The following RPS6KA2 variants were observed in gnomAD, a reference collection of about 807,000 sequenced individuals.
RPS6KA2 encodes the protein ribosomal protein S6 kinase alpha-2.
Under a neutral mutation model 91.8 loss-of-function variants are expected in RPS6KA2, and 42 were observed. The ratio of observed to expected loss-of-function variants is 0.46; its 90% CI spans 0.36 to 0.59. The LOEUF (loss-of-function observed/expected upper bound fraction) is 0.59, where lower values mean the gene tolerates loss of function less well. RPS6KA2 is among the 20% of genes least tolerant of loss of function. RPS6KA2 has a pLI of 0.00. For missense variants in RPS6KA2, 798 were observed against 978.5 expected (o/e 0.82, Z 2.46); for synonymous variants, 414 against 393.6 (o/e 1.05, Z -0.61).
rs1216426961 is a variant in RPS6KA2, at chr6:166,648,225, T to C, written c.124-109441A>G. 6.7e-6 allele frequency among the ~76,000 whole-genome samples: 1 copy of C among 149,096 alleles called. No homozygotes were observed. The highest frequency in any genetic ancestry group is 2.2e-4 in the South Asian group (1 of 4,610). ...ACACACTCATGCACACACACGCACATGCGCACACACACACATTCACACAGG... is the reference window on the plus strand; with the variant it reads ...ACACACTCATGCACACACACGCACACGCGCACACACACACATTCACACAGG... On this transcript the variant is annotated intron_variant, in intron 2 of 21. Coordinates refer to the RPS6KA2 transcript ENST00000503859. The surrounding 1 kb of genome is among the most constrained non-coding windows in gnomAD (Gnocchi z 4.8).
chr6:166,693,099 A>G (rs955562683), intron 2 of RPS6KA2, among the ~76,000 whole-genome samples: 6 of 152,338 alleles, frequency 3.9e-5, no homozygotes, highest in African/African-American at 1.4e-4. Flanking sequence ...TGCTTAATAT[A>G]GGGCTACTCT....
intron 1 of RPS6KA2, among the ~76,000 whole-genome samples, chr6:166,619,049 T>C (rs1243241250): frequency 2.0e-5 from 3 of 151,888 alleles, no homozygotes; most frequent in East Asian, 1.9e-4. Context: ...CTCCCATCGA[T>C]GCCATCAGAT....
intron 1 of RPS6KA2, among the ~76,000 whole-genome samples, chr6:166,552,615 C>G (rs1233646648): frequency 6.6e-6 from 1 of 152,208 alleles, no homozygotes; most frequent in Non-Finnish European, 1.5e-5. Context: ...TGTTCTGCAT[C>G]TGGACCACAC....
intron 2 of RPS6KA2, among the ~76,000 whole-genome samples, chr6:166,693,729 G>C (rs930067177): frequency 6.6e-6 from 1 of 152,188 alleles, no homozygotes; most frequent in African/African-American, 2.4e-5. Flanking sequence ...CTCTAGCCGT[G>C]TCCACTAGGT....
rs535685958 is a variant in RPS6KA2, at chr6:166,410,893, T to C, written c.*1869A>G. Reference sequence around the variant, plus strand: ...TTTTGTTCATTTCTGGGAGGACAGATTGTGTGACCTCAGGATTATCCACTT... The same window carrying C: ...TTTTGTTCATTTCTGGGAGGACAGACTGTGTGACCTCAGGATTATCCACTT... On this transcript the variant is annotated 3_prime_UTR_variant, in exon 21 of 21. Coordinates refer to ENST00000265678, the MANE Select transcript of RPS6KA2 (RefSeq NM_021135.6). 1 of 152,136 alleles carries C rather than the reference T, an allele frequency of 6.6e-6. No individual in the cohort carries two copies. Among genetic ancestry groups the C allele is most frequent in the Admixed American group, 6.5e-5 (1 of 15,272 alleles). The allele number at this position is 152,136 out of a possible 1,614,324, so 9.4% of individuals were successfully genotyped here.
chr6:166,517,309 T>C (rs1454695404), intron 3 of RPS6KA2, among the ~76,000 whole-genome samples: 1 of 152,070 alleles, frequency 6.6e-6, no homozygotes, highest in Non-Finnish European at 1.5e-5. Context: ...AGCCTAAGTG[T>C]TGGGAACAGG....
chr6:166,717,219 C>A (rs1790038368), intron 2 of RPS6KA2, among the ~76,000 whole-genome samples: 2 of 152,176 alleles, frequency 1.3e-5, no homozygotes, highest in African/African-American at 2.4e-5. Context: ...GTGGAGGCAT[C>A]GCCATTGCTG....
intron 15 of RPS6KA2, among the ~76,000 whole-genome samples, chr6:166,432,112 C>T (rs974313475): frequency 3.9e-5 from 6 of 152,094 alleles, no homozygotes; most frequent in Non-Finnish European, 8.8e-5. Flanking sequence ...GATCCCAAAC[C>T]CTGCACCCCC....
chr6:166,492,720 C>CTTTTTT (rs10533292), intron 8 of RPS6KA2, among the ~76,000 whole-genome samples: 2 of 141,166 alleles, frequency 1.4e-5, no homozygotes, highest in African/African-American at 5.4e-5. Flanking sequence ...TTTTTCTTTT[C>CTTTTTT]TTTTTTTTTT....
chr6:166,613,941 T>A (rs1366143281), intron 1 of RPS6KA2, among the ~76,000 whole-genome samples: 20 of 152,058 alleles, frequency 1.3e-4, no homozygotes, highest in Admixed American at 1.3e-3. Context: ...CCCAAGAGCT[T>A]TGGGCTCTCA....
chr6:166,507,305 C>A (rs550976679), intron 5 of RPS6KA2, among the ~76,000 whole-genome samples: 17 of 151,914 alleles, frequency 1.1e-4, no homozygotes, highest in Non-Finnish European at 4.4e-5. Context: ...CCACCTGGGA[C>A]GATTGCTAGG....
At chr6:166,858,574 T>C (rs532086710) in intron 1 of RPS6KA2, among the ~76,000 whole-genome samples, 3 of 152,340 alleles carry the variant, frequency 2.0e-5, no homozygotes, top group South Asian at 4.1e-4. Context: ...AGGTGATTCT[T>C]GCCAGTGGAG....
intron 8 of RPS6KA2, among the ~76,000 whole-genome samples, chr6:166,496,435 T>G (rs903675827): frequency 6.6e-6 from 1 of 151,990 alleles, no homozygotes; most frequent in Non-Finnish European, 1.5e-5. Context: ...GGTTTTATGA[T>G]CTGTTGCCTT....
At chr6:166,843,026 C>G (rs1780524063) in intron 2 of RPS6KA2, among the ~76,000 whole-genome samples, 1 of 152,192 alleles carries the variant, frequency 6.6e-6, no homozygotes, top group African/African-American at 2.4e-5. Flanking sequence ...TAGAAATAGA[C>G]TCGGTGCTGT....
chr6:166,612,968 C>T lies in RPS6KA2; in HGVS notation c.99+13953G>A, dbSNP rs931108380. Reference sequence around the variant, plus strand: ...TTAATTATTGTTTAAAAGACAGATGCTTGAGCAGTGTTTCCCGGACCTCCC... The same window carrying T: ...TTAATTATTGTTTAAAAGACAGATGTTTGAGCAGTGTTTCCCGGACCTCCC... On this transcript the variant is annotated intron_variant, in intron 1 of 20. Transcript: ENST00000265678. The surrounding 1 kb of genome is among the most constrained non-coding windows in gnomAD (Gnocchi z 4.3). Among the ~76,000 whole-genome samples, 24 of 152,352 alleles carry T rather than the reference C, an allele frequency of 1.6e-4. No homozygotes were observed. Among genetic ancestry groups the T allele is most frequent in the Admixed American group, 1.4e-3 (21 of 15,306 alleles).
intron 1 of RPS6KA2, among the ~76,000 whole-genome samples, chr6:166,550,994 C>CAAAAAA (rs58796308): frequency 5.6e-5 from 6 of 106,372 alleles, no homozygotes; most frequent in Admixed American, 2.2e-4. Flanking sequence ...GACTCTATCT[C>CAAAAAA]AAAAAAAAAA....
At chr6:166,778,063 A>G (rs905608609) in intron 2 of RPS6KA2, among the ~76,000 whole-genome samples, 1 of 152,286 alleles carries the variant, frequency 6.6e-6, no homozygotes, top group Non-Finnish European at 1.5e-5. Flanking sequence ...AATTTAAAAC[A>G]AAGTGATTTT....
At chr6:166,684,236 T>C (rs1424385037) in intron 2 of RPS6KA2, among the ~76,000 whole-genome samples, 3 of 152,136 alleles carry the variant, frequency 2.0e-5, no homozygotes, top group Admixed American at 6.5e-5. Context: ...GTCTGTTTAC[T>C]ATTGCCATGG....
upstream of RPS6KA2, among the ~76,000 whole-genome samples, chr6:166,631,940 TGA>T (rs1157698834): frequency 6.6e-6 from 1 of 152,006 alleles, no homozygotes; most frequent in Non-Finnish European, 1.5e-5. Flanking sequence ...AAACACCACA[TGA>T]GAGAGATGAA....
Sources: gnomAD v4.1 joint callset for allele counts (sites outside exome capture counted in the v4.1 genomes callset) on GRCh38, gnomAD v4.1.1 for gene constraint, Gnocchi (gnomAD v3.1) non-coding constraint, MANE v1.5 for transcripts, NCBI Gene and HGNC (gene_info 2026-07-23, HGNC 2026-07-21) for gene names.